RHBG: variants seen among roughly 807,000 people sequenced by gnomAD.
RHBG encodes the protein ammonium transporter Rh type B.
Under a neutral mutation model 40.1 loss-of-function variants are expected in RHBG, and 39 were observed. The observed-to-expected ratio is 0.97, with a 90% CI of 0.75 to 1.27. The LOEUF is 1.27. Ranked by LOEUF, RHBG falls within the 50% of genes most tolerant of loss-of-function variation. RHBG has a pLI of 0.00. For synonymous variants in RHBG, 237 were observed against 252.5 expected (o/e 0.94, Z 0.58); for missense variants, 549 against 588.1 (o/e 0.93, Z 0.69).
At chr1:156,369,519 G>T (rs1239210683) in intron 1 of RHBG, 83 bp downstream of exon 1, 2 of 1,419,212 alleles carry the variant, frequency 1.4e-6, no homozygotes, top group Non-Finnish European at 1.9e-6. Flanking sequence ...GGAGCATTTG[G>T]GTGCCCGCAT....
chr1:156,371,182 A>T (rs757325340), intron 1 of RHBG: 4 of 416,410 alleles, frequency 9.6e-6, no homozygotes, highest in South Asian at 6.9e-5. Flanking sequence ...TTTTTTTTAG[A>T]AGAGTCTCAC....
chr1:156,377,280 G>C lies in RHBG; in HGVS notation c.188-21G>C. On this transcript the variant is annotated intron_variant, in intron 1 of 9. Coordinates refer to ENST00000537040, the MANE Select transcript of RHBG (RefSeq NM_020407.5). This position sits in a 1 kb window ranked among gnomAD's most constrained non-coding sequence, Gnocchi z 4.6. Reference sequence around the variant, plus strand: ...GGCTAGAGCAGCCCCCAAGTGCCCCGCCTGTCCCTGCCCGCTGCAGGCTTC... The same window carrying C: ...GGCTAGAGCAGCCCCCAAGTGCCCCCCCTGTCCCTGCCCGCTGCAGGCTTC... 6.2e-7 allele frequency: 1 copy of C among 1,609,752 alleles called. No homozygotes were observed. Among genetic ancestry groups the C allele is most frequent in the Non-Finnish European group, 8.5e-7 (1 of 1,176,830 alleles).
At chr1:156,375,722 G>A (rs754362463) in intron 1 of RHBG, among the ~76,000 whole-genome samples, 1 of 151,778 alleles carries the variant, frequency 6.6e-6, no homozygotes, top group African/African-American at 2.4e-5. Flanking sequence ...AAATAAAGGG[G>A]AGCATAATTT....
intron 1 of RHBG, among the ~76,000 whole-genome samples, chr1:156,370,171 G>T (rs904928609): frequency 6.6e-6 from 1 of 152,016 alleles, no homozygotes; most frequent in South Asian, 2.1e-4. Flanking sequence ...AAATTAGGCC[G>T]GGCGCGGTGC....
chr1:156,382,447 G>C, intron 7 of RHBG: 1 of 631,800 alleles, frequency 1.6e-6, no homozygotes, highest in Non-Finnish European at 2.7e-6. Flanking sequence ...GGGTCAGTAA[G>C]AGATAATGAC....
intron 1 of RHBG, chr1:156,371,564 G>A (rs186524960): frequency 1.3e-5 from 2 of 155,974 alleles, no homozygotes; most frequent in Admixed American, 6.3e-5. Context: ...GATATAGAGA[G>A]TGAGGTGGAA....
intron 1 of RHBG, chr1:156,374,671 C>T (rs1667066166): frequency 2.5e-6 from 1 of 398,740 alleles, no homozygotes; most frequent in Non-Finnish European, 4.9e-6. Context: ...ACCACAACCT[C>T]TGCCTCCCGG....
At chr1:156,384,460 C>T in intron 8 of RHBG, 67 bp from the exon 9 acceptor site, 1 of 1,471,598 alleles carries the variant, frequency 6.8e-7, no homozygotes, top group Non-Finnish European at 9.5e-7. Context: ...CCCTGTGGCA[C>T]TGGGTGGCAC....
At chr1:156,381,628 G>T in intron 5 of RHBG, 115 bp downstream of exon 5, 2 of 1,395,626 alleles carry the variant, frequency 1.4e-6, no homozygotes, top group South Asian at 1.4e-5. Flanking sequence ...AGGCATAGGG[G>T]CTCCATCTGT....
Position 156,384,885 on chromosome 1 carries a change from G to T in RHBG, c.*40G>T. Reference sequence around the variant, plus strand: ...CTGAGAGGACACGCTCCTTTTCGAAGATGCTGACTGGCTGCTACTAGGAAG... The same window carrying T: ...CTGAGAGGACACGCTCCTTTTCGAATATGCTGACTGGCTGCTACTAGGAAG... On this transcript the variant is annotated 3_prime_UTR_variant, in exon 10 of 10. Transcript: ENST00000537040. 2 of 1,332,630 alleles carry T rather than the reference G, an allele frequency of 1.5e-6. No homozygotes were observed. The highest frequency in any genetic ancestry group is 2.1e-6 in the Non-Finnish European group (2 of 940,816). The allele number at this position is 1,332,630 out of a possible 1,614,324, so 82.6% of individuals were successfully genotyped here.
Position 156,385,017 on chromosome 1 carries a change from T to G in RHBG, c.*172T>G. 1.8e-6 allele frequency: 1 copy of G among 570,420 alleles called. No homozygotes were observed. Among genetic ancestry groups the G allele is most frequent in the Non-Finnish European group, 3.1e-6 (1 of 318,046 alleles). The allele number at this position is 570,420 out of a possible 1,614,324, so 35.3% of individuals were successfully genotyped here. On this transcript the variant is annotated 3_prime_UTR_variant, in exon 10 of 10. Transcript: ENST00000537040. ...CACAGGGAGAGGGGCAACAGGAGGC[T>G]GGGAAATGGTGGGGAGTGGGGCCGT...
Position 156,384,593 on chromosome 1 carries a change from A to C in RHBG, c.1301A>C (p.His434Pro), listed in dbSNP as rs746110539. 8 of 1,574,216 alleles carry C rather than the reference A, an allele frequency of 5.1e-6. No homozygotes were observed. In the East Asian group the frequency reaches 1.4e-4, roughly 27 times the overall value. ...TCCCAGCACTACGAGGACCAAGTTC[A>C]CTGGCAGGTGAGACATTGCTGGGCT... ...PDSQHYEDQV[H>P]WQVPGEHEDK... The change falls in exon 9 of 10, where the codon CAC becomes CCC. Residue 434 changes from histidine to proline, a missense_variant. His to Pro is a moderately conservative substitution (Grantham distance 77). Around this residue, in one of 3 missense-constraint regions of RHBG, gnomAD observed 399 missense variants for 417.0 expected, o/e 0.96. Transcript: ENST00000537040.
At chr1:156,381,967 G>T in intron 6 of RHBG, 24 bp downstream of exon 6, 1 of 1,611,318 alleles carries the variant, frequency 6.2e-7, no homozygotes, top group Admixed American at 1.7e-5. Flanking sequence ...TTGGAGCCTG[G>T]GCAGAACATG....
At chr1:156,373,404 C>A (rs1401705452) in intron 1 of RHBG, among the ~76,000 whole-genome samples, 1 of 119,208 alleles carries the variant, frequency 8.4e-6, no homozygotes, top group Non-Finnish European at 1.6e-5. Context: ...CAAGCCTGGG[C>A]AACAGAGCAA....
At chr1:156,376,867 G>A (rs1667239636) in intron 1 of RHBG, among the ~76,000 whole-genome samples, 1 of 152,156 alleles carries the variant, frequency 6.6e-6, no homozygotes, top group Non-Finnish European at 1.5e-5. Context: ...AAAGGAAGAG[G>A]TATAGTCTCT....
chr1:156,373,771 C>T (rs1667005158), intron 1 of RHBG, among the ~76,000 whole-genome samples: 1 of 152,190 alleles, frequency 6.6e-6, no homozygotes, highest in African/African-American at 2.4e-5. Context: ...ACCCAACACC[C>T]TTCCTTATCT....
chr1:156,378,009 T>C lies in RHBG; in HGVS notation c.394T>C (p.Cys132Arg). ...CCCCAGCATGATCAATGCTGACTTT[T>C]GTGCGGGGGCCGTGCTCATCTCCTT... ...GVESMINADF[C>R]AGAVLISFGA... Residue 132 changes from cysteine to arginine, a missense_variant, in exon 3 of 10, where the codon TGT becomes CGT. By Grantham distance (180) the Cys-to-Arg change is radical (BLOSUM62 -3). Transcript: ENST00000537040. 1 of 1,551,572 alleles carries C rather than the reference T, an allele frequency of 6.4e-7. No individual in the cohort carries two copies. Among genetic ancestry groups the C allele is most frequent in the Non-Finnish European group, 8.7e-7 (1 of 1,146,022 alleles).
In RHBG at chr1:156,377,618, G is replaced by A. The variant is rs1048084439; in HGVS notation, c.374+131G>A. ...TTCTGGGCGTCACTTGGTTTCTCTA[G>A]GTGTCCTGCCTGTCCTTATTGCCTG... On this transcript the variant is annotated intron_variant, in intron 2 of 9. Transcript: ENST00000537040. This position sits in a 1 kb window ranked among gnomAD's most constrained non-coding sequence, Gnocchi z 4.6. The A allele has an allele frequency of 7.3e-6, 7 of 959,402 alleles. No homozygotes were observed. The highest frequency in any genetic ancestry group is 1.1e-5 in the Non-Finnish European group (7 of 658,120). The allele number at this position is 959,402 out of a possible 1,614,324, so 59.4% of individuals were successfully genotyped here.
chr1:156,376,189 T>G (rs1303435848), intron 1 of RHBG, among the ~76,000 whole-genome samples: 1 of 152,110 alleles, frequency 6.6e-6, no homozygotes, highest in African/African-American at 2.4e-5. Flanking sequence ...GTTAAAATAT[T>G]CAAACTATAG....
Sources: allele counts gnomAD v4.1 joint callset (sites outside exome capture counted in the v4.1 genomes callset), GRCh38; gene constraint gnomAD v4.1.1; regional missense constraint gnomAD v4.1.1; non-coding constraint Gnocchi (gnomAD v3.1); transcripts MANE v1.5; gene names NCBI Gene and HGNC (gene_info 2026-07-23, HGNC 2026-07-21).